The following ANKRD36B variants were observed in gnomAD, a reference collection of about 807,000 sequenced individuals.
ANKRD36B encodes ankyrin repeat domain-containing protein 36B.
A neutral mutation model predicts 135.7 loss-of-function variants in ANKRD36B; 37 were observed. The observed-to-expected ratio is 0.27, with a 90% CI of 0.21 to 0.36. The LOEUF is 0.36. Among genes scored for constraint, ANKRD36B ranks in the 10% least tolerant of loss-of-function variants. ANKRD36B has a pLI of 1.00. For missense variants in ANKRD36B, 549 were observed against 1,037.1 expected, an observed-to-expected ratio of 0.53 and a Z score of 6.46; for synonymous variants, 179 against 348.1, an observed-to-expected ratio of 0.51 and a Z score of 5.41.
chr2:97,572,342 G>C (rs907480006), intron 6 of ANKRD36B, among the ~76,000 whole-genome samples: 8 of 146,406 alleles, frequency 5.5e-5, no homozygotes, highest in Non-Finnish European at 1.1e-4. Context: ...TAATCCAACT[G>C]ACCAAATATT....
chr2:97,496,734 T>C (rs1313540677), intron 43 of ANKRD36B, among the ~76,000 whole-genome samples: 1 of 77,916 alleles, frequency 1.3e-5, no homozygotes, highest in Admixed American at 1.0e-4. Context: ...TTACCAAATA[T>C]CTTAAGCACA....
In ANKRD36B at chr2:97,549,608, G is replaced by C. The variant is rs778487471; in HGVS notation, c.1382C>G (p.Ser461Cys). ...TACCTTCAAGGCTGGTGGTTTCTGAGAAGACACTGAAAAGCAAAAGGGATT... is the reference window on the plus strand; with the variant it reads ...TACCTTCAAGGCTGGTGGTTTCTGACAAGACACTGAAAAGCAAAAGGGATT... ...KDGEISRTVSSQKPPALKATS... is the reference protein window; with the variant it reads ...KDGEISRTVSCQKPPALKATS... The change falls in exon 19 of 44, where the codon TCT becomes TGT. Residue 461 changes from serine to cysteine, a missense_variant. Ser to Cys is a moderately radical substitution (Grantham distance 112). Transcript: ENST00000359901. 2 of 1,608,420 alleles carry C rather than the reference G, an allele frequency of 1.2e-6. No individual in the cohort carries two copies. Among genetic ancestry groups the C allele is most frequent in the South Asian group, 1.1e-5 (1 of 90,930 alleles).
intron 1 of ANKRD36B, among the ~76,000 whole-genome samples, chr2:97,585,847 T>C (rs1350113721): frequency 8.5e-5 from 13 of 152,254 alleles, no homozygotes; most frequent in Admixed American, 7.2e-4. Flanking sequence ...CATATCTACA[T>C]TGAGGTATCT....
rs188060327 is a variant in ANKRD36B at position 97,535,221 on chromosome 2, T to C, written c.2191+1079A>G. Reference sequence around the variant, plus strand: ...GAGGATGCTTAATAAGTACAAACTATAGTTAGAAACAATGAATAAAATGTA... The same window carrying C: ...GAGGATGCTTAATAAGTACAAACTACAGTTAGAAACAATGAATAAAATGTA... On this transcript the variant is annotated intron_variant, in intron 34 of 43. Coordinates refer to ENST00000359901, the MANE Select transcript of ANKRD36B (RefSeq NM_001393939.1). 1.2e-3 allele frequency among the ~76,000 whole-genome samples: 119 copies of C among 101,284 alleles called. 31 individuals carry two copies. The Middle Eastern group carries it at 0.026, about 22-fold the overall frequency. The allele number at this position is 101,284 out of a possible 152,430, so 66.4% of individuals were successfully genotyped here.
At position 97,521,638 on chromosome 2, in the gene ANKRD36B, G is replaced by A. The variant is rs1322133562; in HGVS notation, c.2407+1688C>T. On this transcript the variant is annotated intron_variant, in intron 36 of 43. Transcript: ENST00000359901. ...TGCTGTCTATGTTGGCAATCAAAAAGTCTGGGGTTTTAGAGCATTTCAGAT... is the reference window on the plus strand; with the variant it reads ...TGCTGTCTATGTTGGCAATCAAAAAATCTGGGGTTTTAGAGCATTTCAGAT... Among the ~76,000 whole-genome samples, 10 of 96,510 alleles carry A rather than the reference G, an allele frequency of 1.0e-4. No individual in the cohort carries two copies. In the East Asian group the frequency reaches 2.0e-3, roughly 20 times the overall value. 63.3% of individuals were successfully genotyped at this position (96,510 alleles called of 152,430 possible).
chr2:97,557,116 T>C lies in ANKRD36B; in HGVS notation c.984A>G (p.Gln328=), dbSNP rs749438652. 9 of 1,542,744 alleles carry C rather than the reference T, an allele frequency of 5.8e-6. No individual in the cohort carries two copies. The highest frequency in any genetic ancestry group is 5.5e-5 in the African/African-American group (4 of 72,272). Residue 328 remains glutamine, a synonymous_variant, in exon 11 of 44, where the codon CAA becomes CAG. Coordinates refer to ENST00000359901, the MANE Select transcript of ANKRD36B (RefSeq NM_001393939.1). ...AAAGAGTAACTACCTTCTGGGCCGATTGTTTCTGAGGAGACACTGAAAAGT... is the reference window on the plus strand; with the variant it reads ...AAAGAGTAACTACCTTCTGGGCCGACTGTTTCTGAGGAGACACTGAAAAGT... ...QQSGTVSPQK[Q]SAQKVIFKKK... is the part of the protein sequence containing the mutation.
At chr2:97,584,356 AAC>A (rs2082828927) in intron 3 of ANKRD36B, among the ~76,000 whole-genome samples, 1 of 117,736 alleles carries the variant, frequency 8.5e-6, no homozygotes, top group Non-Finnish European at 1.6e-5. Flanking sequence ...CAAACAACAA[AAC>A]ACACAAAAAC....
intron 16 of ANKRD36B, 66 bp from the exon 17 acceptor site, chr2:97,551,546 G>T: frequency 1.2e-6 from 2 of 1,600,542 alleles, no homozygotes; most frequent in South Asian, 2.2e-5. Context: ...ATACATTCAT[G>T]CAGTGTTTGT....
At chr2:97,579,479 G>A (rs1359844501) in intron 4 of ANKRD36B, among the ~76,000 whole-genome samples, 8 of 148,478 alleles carry the variant, frequency 5.4e-5, no homozygotes, top group Non-Finnish European at 1.0e-4. Context: ...CATAGCTTCA[G>A]TTAATGATGC....
At chr2:97,565,165 T>C (rs893230323) in intron 6 of ANKRD36B, among the ~76,000 whole-genome samples, 2 of 152,240 alleles carry the variant, frequency 1.3e-5, no homozygotes, top group African/African-American at 2.4e-5. Context: ...TTTAGCACTC[T>C]ATTACTGGTG....
At chr2:97,536,151 A>T (rs2078879419) in intron 34 of ANKRD36B, 149 bp downstream of exon 34, 1 of 385,900 alleles carries the variant, frequency 2.6e-6, no homozygotes, top group Non-Finnish European at 5.1e-6. Context: ...TTTTGAAAAT[A>T]TAAATAAAAA....
At chr2:97,558,722 C>T (rs1442172370) in intron 10 of ANKRD36B, 77 bp downstream of exon 10, 1 of 1,594,636 alleles carries the variant, frequency 6.3e-7, no homozygotes, top group Admixed American at 1.7e-5. Flanking sequence ...AATGAATCCC[C>T]CGCTGATTTA....
In ANKRD36B at chr2:97,530,751, C is replaced by G. The variant is rs377193220; in HGVS notation, c.2265+1560G>C. Among the ~76,000 whole-genome samples the G allele has an allele frequency of 9.4e-3, 901 of 96,212 alleles. 188 individuals are homozygous for G. The East Asian group carries it at 0.12, about 13-fold the overall frequency. The allele number at this position is 96,212 out of a possible 152,430, so 63.1% of individuals were successfully genotyped here. ...CCATCAAAAAGTGGGCAAAGGATAT[C>G]AACAGACACTTCTCAAAAGAAGACA... On this transcript the variant is annotated intron_variant, in intron 35 of 43. Transcript: ENST00000359901.
intron 40 of ANKRD36B, among the ~76,000 whole-genome samples, chr2:97,509,343 T>TA (rs1399325821): frequency 2.9e-5 from 1 of 34,916 alleles, no homozygotes; most frequent in Admixed American, 1.9e-4. Flanking sequence ...AATATATGTA[T>TA]AAAAAATGGC....
chr2:97,564,166 A>T (rs536443025), intron 6 of ANKRD36B, among the ~76,000 whole-genome samples: 13 of 151,610 alleles, frequency 8.6e-5, no homozygotes, highest in South Asian at 4.2e-4. Context: ...TGCTTTTTTT[A>T]AAAAAAAATT....
intron 12 of ANKRD36B, among the ~76,000 whole-genome samples, chr2:97,555,695 T>A (rs2080455384): frequency 6.6e-6 from 1 of 151,904 alleles, no homozygotes; most frequent in East Asian, 1.9e-4. Context: ...GCCTGATAAC[T>A]GAGAAAGTAC....
intron 12 of ANKRD36B, among the ~76,000 whole-genome samples, chr2:97,556,015 G>A (rs2080489130): frequency 6.6e-6 from 1 of 151,676 alleles, no homozygotes; most frequent in African/African-American, 2.4e-5. Context: ...TTTACATTTG[G>A]CTATCAGTCC....
rs2083284009 is a variant in ANKRD36B, at chr2:97,589,656, T to C, written c.30A>G (p.Ala10=). The change falls in exon 1 of 44, where the codon GCA becomes GCG. Residue 10 remains alanine, a synonymous_variant. Transcript: ENST00000359901. MERLCSDGF[A]FPHYYIKPYH... ...ACGGTTTAATGTAGTAATGGGGAAA[T>C]GCGAAGCCATCCGAGCACAAGCGCT... 1 of 1,614,172 alleles carries C rather than the reference T, an allele frequency of 6.2e-7. No homozygotes were observed. The highest frequency in any genetic ancestry group is 1.1e-5 in the South Asian group (1 of 91,088).
At position 97,529,629 on chromosome 2, in the gene ANKRD36B, C is replaced by T. The variant is rs1195884639; in HGVS notation, c.2265+2682G>A. Among the ~76,000 whole-genome samples the T allele has an allele frequency of 4.2e-5, 4 of 95,688 alleles. 1 individual carries two copies. Among genetic ancestry groups the T allele is most frequent in the South Asian group, 2.4e-4 (1 of 4,216 alleles). The allele number at this position is 95,688 out of a possible 152,430, so 62.8% of individuals were successfully genotyped here. A position where few individuals can be genotyped will look rare whatever the true frequency, so the allele number is the denominator to read the frequency against. On this transcript the variant is annotated intron_variant, in intron 35 of 43. Coordinates refer to ENST00000359901, the MANE Select transcript of ANKRD36B (RefSeq NM_001393939.1). ...AAGTCAAAATGTCCCTGTTTGCAGACGACATGATTGTATATCTAGAAAACC... is the reference window on the plus strand; with the variant it reads ...AAGTCAAAATGTCCCTGTTTGCAGATGACATGATTGTATATCTAGAAAACC...
Sources: allele counts gnomAD v4.1 joint callset (sites outside exome capture counted in the v4.1 genomes callset), GRCh38; gene constraint gnomAD v4.1.1; transcripts MANE v1.5; gene names NCBI Gene and HGNC (gene_info 2026-07-23, HGNC 2026-07-21).